Variants in KRTAP1-4 observed in about 807,000 individuals in gnomAD.
KRTAP1-4 encodes keratin associated protein 1-4.
In KRTAP1-4, 5 loss-of-function variants were observed where a neutral mutation model predicts 8.6. The observed-to-expected ratio is 0.58, with a 90% CI of 0.30 to 1.23. The LOEUF is 1.23. Ranked by LOEUF, KRTAP1-4 falls within the 50% of genes most tolerant of loss-of-function variation. KRTAP1-4 has a pLI of 0.07. For synonymous variants in KRTAP1-4, 50 were observed against 58.9 expected, an observed-to-expected ratio of 0.85 and a Z score of 0.69; for missense variants, 157 against 160.7, an observed-to-expected ratio of 0.98 and a Z score of 0.12.
chr17:41,029,735 T>C lies in KRTAP1-4; in HGVS notation c.344A>G (p.His115Arg), dbSNP rs2041219308. Reference protein sequence around the residue: ...QSCCRPACCCHCCEPTC With the variant: ...QSCCRPACCCRCCEPTC The stretch of plus-strand genomic sequence containing the variant: ...CTTTTAGCAGGTGGGCTCACAGCAG[T>C]GGCAGCAGCAGGCTGGGCGGCAGCA... Residue 115 changes from histidine to arginine, a missense_variant, in exon 1 of 1, where the codon CAC becomes CGC. Transcript: ENST00000377747. The C allele has an allele frequency of 7.7e-6, 12 of 1,566,296 alleles. No individual in the cohort carries two copies. Among genetic ancestry groups the C allele is most frequent in the Non-Finnish European group, 1.0e-5 (12 of 1,153,906 alleles).
At position 41,030,115 on chromosome 17, in the gene KRTAP1-4, G is replaced by C; in HGVS notation, c.-37C>G. ...TTGGGTTGAGAGCTGTGTTAAGAGA[G>C]GTTTCTGAGTTTGGGCTGTACCTTC... On this transcript the variant is annotated 5_prime_UTR_variant, in exon 1 of 1. Transcript: ENST00000377747. The C allele has an allele frequency of 6.4e-7, 1 of 1,556,818 alleles. No homozygotes were observed. The highest frequency in any genetic ancestry group is 8.7e-7 in the Non-Finnish European group (1 of 1,149,562).
At position 41,029,985 on chromosome 17, in the gene KRTAP1-4, TCTGGCAGCAGCTTGG is replaced by T. The variant is rs768957008; in HGVS notation, c.79_93del (p.Pro27_Gln31del). On this transcript the variant is annotated inframe_deletion, in exon 1 of 1. Transcript: ENST00000377747. ...CCACAGCCGGTTCCGCAGGAGCTGG[TCTGGCAGCAGCTTGG>T]CTGGCAGCAGCTAGTTTCACAGCAG... 228 of 1,612,178 alleles carry T rather than the reference TCTGGCAGCAGCTTGG, an allele frequency of 1.4e-4. No individual in the cohort carries two copies. In the East Asian group the frequency reaches 5.0e-3, roughly 35 times the overall value.
chr17:41,029,849 C>T lies in KRTAP1-4; in HGVS notation c.230G>A (p.Cys77Tyr), dbSNP rs997523864. The change falls in exon 1 of 1, where the codon TGC becomes TAC. Residue 77 changes from cysteine (C) to tyrosine (Y), a missense_variant. Transcript: ENST00000377747. The part of the protein sequence containing the change: ...CHVEGTCLPP[C>Y]YLVSCTPPSC... ...TGGGGGTGTGCAGCTTACCAGGTAG[C>T]AGGGGGGCAGGCAGGTGCCCTCCAC... 6.2e-7 allele frequency: 1 copy of T among 1,609,684 alleles called. No homozygotes were observed. The highest frequency in any genetic ancestry group is 1.7e-5 in the Admixed American group (1 of 59,280).
chr17:41,030,159 TG>T lies in KRTAP1-4; in HGVS notation c.-82del, dbSNP rs2143760826. On this transcript the variant is annotated 5_prime_UTR_variant, in exon 1 of 1. Transcript: ENST00000377747. The stretch of plus-strand genomic sequence containing the variant: ...TACCTTCTATATCTGTCCTTTGATA[TG>T]TTCCCTAGAGCTGCATATTTACCCA... 1.3e-6 allele frequency: 2 copies of T among 1,528,186 alleles called. No individual in the cohort carries two copies. The highest frequency in any genetic ancestry group is 1.8e-6 in the Non-Finnish European group (2 of 1,131,998). 94.7% of individuals were successfully genotyped at this position (1,528,186 alleles called of 1,614,324 possible). A position where few individuals can be genotyped will look rare whatever the true frequency, so the allele number is the denominator to read the frequency against.
In KRTAP1-4 at chr17:41,029,686, A is replaced by T. The variant is rs757279083; in HGVS notation, c.*27T>A. 1.3e-5 allele frequency: 20 copies of T among 1,512,446 alleles called. No homozygotes were observed. Among genetic ancestry groups the T allele is most frequent in the Non-Finnish European group, 1.8e-5 (20 of 1,131,000 alleles). 93.7% of individuals were successfully genotyped at this position (1,512,446 alleles called of 1,614,324 possible). A position where few individuals can be genotyped will look rare whatever the true frequency, so the allele number is the denominator to read the frequency against. ...ACAATTTTGCTGTGCTTCCCCTTTC[A>T]TTCTTAAGCGATCAGCAACCTGGCT... On this transcript the variant is annotated 3_prime_UTR_variant, in exon 1 of 1. Transcript: ENST00000377747.
chr17:41,029,560 T>C lies in KRTAP1-4; in HGVS notation c.*153A>G. ...TCTTTCAGTAAGTGAATTCGGCACATCCACAGTGTCCTAACTAGGAGTTTC... is the reference window on the plus strand; with the variant it reads ...TCTTTCAGTAAGTGAATTCGGCACACCCACAGTGTCCTAACTAGGAGTTTC... On this transcript the variant is annotated 3_prime_UTR_variant, in exon 1 of 1. Transcript: ENST00000377747. 8.4e-7 allele frequency: 1 copy of C among 1,189,278 alleles called. No homozygotes were observed. The highest frequency in any genetic ancestry group is 1.1e-6 in the Non-Finnish European group (1 of 872,742). The allele number at this position is 1,189,278 out of a possible 1,614,324, so 73.7% of individuals were successfully genotyped here. A position where few individuals can be genotyped will look rare whatever the true frequency, so the allele number is the denominator to read the frequency against.
chr17:41,029,630 A>G lies in KRTAP1-4; in HGVS notation c.*83T>C, dbSNP rs1471902628. The G allele has an allele frequency of 9.7e-6, 14 of 1,450,184 alleles. No homozygotes were observed. In the Admixed American group the frequency reaches 4.0e-4, roughly 41 times the overall value. The allele number at this position is 1,450,184 out of a possible 1,614,324, so 89.8% of individuals were successfully genotyped here. On this transcript the variant is annotated 3_prime_UTR_variant, in exon 1 of 1. Coordinates refer to ENST00000377747, the MANE Select transcript of KRTAP1-4 (RefSeq NM_001257305.2). ...ACAACATCATGGTACTTAGCATCCA[A>G]GTAAAATCGAACAGTTCTTCAGAAA...
chr17:41,029,813 T>C lies in KRTAP1-4; in HGVS notation c.266A>G (p.Gln89Arg), dbSNP rs1399250961. The C allele has an allele frequency of 6.2e-7, 1 of 1,611,314 alleles. No homozygotes were observed. Among genetic ancestry groups the C allele is most frequent in the East Asian group, 2.2e-5 (1 of 44,862 alleles). ...GCAGGAGGCCTCGGCGTGGTGCAGC[T>C]GGCAGCAGGATGGGGGTGTGCAGCT... is the stretch of plus-strand genomic sequence containing the variant. ...LVSCTPPSCC[Q>R]LHHAEASCCR... Residue 89 changes from glutamine to arginine, a missense_variant, in exon 1 of 1, where the codon CAG (glutamine) becomes CGG (arginine). Physicochemically the swap from Gln to Arg is conservative, Grantham distance 43. Transcript: ENST00000377747.
At position 41,029,711 on chromosome 17, in the gene KRTAP1-4, T is replaced by G. The variant is rs2012406406; in HGVS notation, c.*2A>C. The G allele has an allele frequency of 6.5e-7, 1 of 1,533,878 alleles. No individual in the cohort carries two copies. ...ATTCTTAAGCGATCAGCAACCTGGC[T>G]TTTAGCAGGTGGGCTCACAGCAGTG... On this transcript the variant is annotated 3_prime_UTR_variant, in exon 1 of 1. Coordinates refer to ENST00000377747, the MANE Select transcript of KRTAP1-4 (RefSeq NM_001257305.2).
chr17:41,030,040 G>A lies in KRTAP1-4; in HGVS notation c.39C>T (p.Ser13=). The A allele has an allele frequency of 6.2e-7, 1 of 1,606,866 alleles. No homozygotes were observed. Among genetic ancestry groups the A allele is most frequent in the Non-Finnish European group, 8.5e-7 (1 of 1,177,100 alleles). The change falls in exon 1 of 1, where the codon AGC becomes AGT. Residue 13 remains serine (S), a synonymous_variant. Coordinates refer to ENST00000377747, the MANE Select transcript of KRTAP1-4 (RefSeq NM_001257305.2). ...TTTCACAGCAGCTTGGCTGGCAGCA[G>A]CTGGAGCCACAGGTCCCACTGGTGG... ...SCSTSGTCGS[S]CCQPSCCETS...
In KRTAP1-4 at chr17:41,029,527, T is replaced by C. The variant is rs2012402539; in HGVS notation, c.*186A>G. 6.6e-6 allele frequency among the ~76,000 whole-genome samples: 1 copy of C among 152,220 alleles called. No individual in the cohort carries two copies. Among genetic ancestry groups the C allele is most frequent in the Non-Finnish European group, 1.5e-5 (1 of 68,034 alleles). On this transcript the variant is annotated 3_prime_UTR_variant, in exon 1 of 1. Transcript: ENST00000377747. ...CAACGCAAGCTATCCAGAACACTGA[T>C]TGATACATCTTTCAGTAAGTGAATT...
rs185145114 is a variant in KRTAP1-4, at chr17:41,030,168, G to C, written c.-90C>G. Reference sequence around the variant, plus strand: ...TATCTGTCCTTTGATATGTTCCCTAGAGCTGCATATTTACCCAACACCTTT... The same window carrying C: ...TATCTGTCCTTTGATATGTTCCCTACAGCTGCATATTTACCCAACACCTTT... On this transcript the variant is annotated 5_prime_UTR_variant, in exon 1 of 1. Transcript: ENST00000377747. 4,840 of 1,506,592 alleles carry C rather than the reference G, an allele frequency of 3.2e-3. 16 individuals are homozygous for C. Among genetic ancestry groups the C allele is most frequent in the Middle Eastern group, 0.011 (49 of 4,520 alleles). 93.3% of individuals were successfully genotyped at this position (1,506,592 alleles called of 1,614,324 possible). A position where few individuals can be genotyped will look rare whatever the true frequency, so the allele number is the denominator to read the frequency against.
At position 41,029,917 on chromosome 17, in the gene KRTAP1-4, T is replaced by A; in HGVS notation, c.162A>T (p.Gly54=). ...GIGYGQEGSG[G]SVSTRIRWCH... ...ACCACCTGATACGGGTGCTCACAGATCCACCGCTGCCCTCCTGGCCATAGC... is the reference window on the plus strand; with the variant it reads ...ACCACCTGATACGGGTGCTCACAGAACCACCGCTGCCCTCCTGGCCATAGC... Residue 54 remains glycine (G), a synonymous_variant, in exon 1 of 1, where the codon GGA becomes GGT. Transcript: ENST00000377747. 6.2e-7 allele frequency: 1 copy of A among 1,606,188 alleles called. No homozygotes were observed. The highest frequency in any genetic ancestry group is 8.5e-7 in the Non-Finnish European group (1 of 1,177,552).
In KRTAP1-4 at chr17:41,029,447, G is replaced by A. The variant is rs1481349036; in HGVS notation, c.*266C>T. 6.6e-6 allele frequency among the ~76,000 whole-genome samples: 1 copy of A among 152,178 alleles called. No individual in the cohort carries two copies. The highest frequency in any genetic ancestry group is 1.5e-5 in the Non-Finnish European group (1 of 68,036). On this transcript the variant is annotated 3_prime_UTR_variant, in exon 1 of 1. Transcript: ENST00000377747. ...GCATGAGCATCAAGAGAGAGTTGGG[G>A]GAGCAGAGATGTCACTGAAATGATG...
chr17:41,029,684 T>C lies in KRTAP1-4; in HGVS notation c.*29A>G. The C allele has an allele frequency of 1.9e-5, 29 of 1,509,614 alleles. No homozygotes were observed. The highest frequency in any genetic ancestry group is 2.5e-5 in the Non-Finnish European group (28 of 1,129,648). 93.5% of individuals were successfully genotyped at this position (1,509,614 alleles called of 1,614,324 possible). ...GCACAATTTTGCTGTGCTTCCCCTT[T>C]CATTCTTAAGCGATCAGCAACCTGG... On this transcript the variant is annotated 3_prime_UTR_variant, in exon 1 of 1. Transcript: ENST00000377747.
rs1167807203 is a variant in KRTAP1-4 at position 41,029,863 on chromosome 17, G to T, written c.216C>A (p.Thr72=). Reference sequence around the variant, plus strand: ...TTACCAGGTAGCAGGGGGGCAGGCAGGTGCCCTCCACGTGGCAATCTGGGT... The same window carrying T: ...TTACCAGGTAGCAGGGGGGCAGGCATGTGCCCTCCACGTGGCAATCTGGGT... ...WCHPDCHVEG[T]CLPPCYLVSC... is the part of the protein sequence containing the mutation. Residue 72 remains threonine, a synonymous_variant, in exon 1 of 1, where the codon ACC becomes ACA. Coordinates refer to ENST00000377747, the MANE Select transcript of KRTAP1-4 (RefSeq NM_001257305.2). The T allele has an allele frequency of 6.2e-7, 1 of 1,608,974 alleles. No homozygotes were observed. The highest frequency in any genetic ancestry group is 1.7e-5 in the Admixed American group (1 of 59,202).
At position 41,030,063 on chromosome 17, in the gene KRTAP1-4, T is replaced by G. The variant is rs1029011621; in HGVS notation, c.16A>C (p.Thr6Pro). The G allele has an allele frequency of 1.9e-6, 3 of 1,595,490 alleles. No homozygotes were observed. The highest frequency in any genetic ancestry group is 2.6e-6 in the Non-Finnish European group (3 of 1,170,830). ...CAGCTGGAGCCACAGGTCCCACTGG[T>G]GGAACAGCTGGCCATGGTGTCAGGA... The part of the protein sequence containing the change: MASCS[T>P]SGTCGSSCCQ... The change falls in exon 1 of 1, where the codon ACC (threonine) becomes CCC (proline). Residue 6 changes from threonine to proline, a missense_variant. Physicochemically the swap from Thr to Pro is conservative, Grantham distance 38. Coordinates refer to ENST00000377747, the MANE Select transcript of KRTAP1-4 (RefSeq NM_001257305.2).
In KRTAP1-4 at chr17:41,029,614, T is replaced by G; in HGVS notation, c.*99A>C. 7.0e-7 allele frequency: 1 copy of G among 1,437,174 alleles called. No individual in the cohort carries two copies. The highest frequency in any genetic ancestry group is 9.2e-7 in the Non-Finnish European group (1 of 1,087,264). The allele number at this position is 1,437,174 out of a possible 1,614,324, so 89.0% of individuals were successfully genotyped here. A position where few individuals can be genotyped will look rare whatever the true frequency, so the allele number is the denominator to read the frequency against. ...ATCTCTGAGCAGCTTAACAACATCA[T>G]GGTACTTAGCATCCAAGTAAAATCG... On this transcript the variant is annotated 3_prime_UTR_variant, in exon 1 of 1. Transcript: ENST00000377747.
rs754876735 is a variant in KRTAP1-4 at position 41,029,669 on chromosome 17, G to A, written c.*44C>T. ...GTTCTTCAGAAATCAGCACAATTTT[G>A]CTGTGCTTCCCCTTTCATTCTTAAG... On this transcript the variant is annotated 3_prime_UTR_variant, in exon 1 of 1. Coordinates refer to ENST00000377747, the MANE Select transcript of KRTAP1-4 (RefSeq NM_001257305.2). 4 of 1,487,824 alleles carry A rather than the reference G, an allele frequency of 2.7e-6. No individual in the cohort carries two copies. In the Admixed American group the frequency reaches 7.7e-5, roughly 29 times the overall value. The allele number at this position is 1,487,824 out of a possible 1,614,324, so 92.2% of individuals were successfully genotyped here. A position where few individuals can be genotyped will look rare whatever the true frequency, so the allele number is the denominator to read the frequency against.
Sources: gnomAD v4.1 joint callset for allele counts (sites outside exome capture counted in the v4.1 genomes callset) on GRCh38, gnomAD v4.1.1 for gene constraint, MANE v1.5 for transcripts, NCBI Gene and HGNC (gene_info 2026-07-23, HGNC 2026-07-21) for gene names.